Variants in ERBB4 observed in about 807,000 individuals in gnomAD.
ERBB4 encodes the protein erb-b2 receptor tyrosine kinase 4.
In ERBB4, 42 loss-of-function variants were observed where a neutral mutation model predicts 158.0. The ratio of observed to expected loss-of-function variants is 0.27; its 90% CI spans 0.21 to 0.34. The LOEUF (loss-of-function observed/expected upper bound fraction) is 0.34, where lower values mean the gene tolerates loss of function less well. ERBB4 is among the 10% of genes least tolerant of loss of function. ERBB4 has a pLI of 1.00. For synonymous variants in ERBB4, 583 were observed against 558.7 expected (o/e 1.04, Z -0.61); for missense variants, 1,333 against 1,624.1 (o/e 0.82, Z 3.08).
intron 3 of ERBB4, among the ~76,000 whole-genome samples, chr2:211,891,322 A>T (rs1463723620): frequency 1.8e-5 from 2 of 113,300 alleles, no homozygotes; most frequent in African/African-American, 7.8e-5. Context: ...TACATAACGA[A>T]ATGAAGGCAG....
intron 27 of ERBB4, among the ~76,000 whole-genome samples, chr2:211,384,876 GT>G (rs1411379089): frequency 6.6e-6 from 1 of 151,992 alleles, no homozygotes; most frequent in African/African-American, 2.4e-5. Flanking sequence ...AATCCATCTA[GT>G]ATAGGTATTG....
chr2:212,408,438 C>G (rs1405793404), intron 1 of ERBB4, among the ~76,000 whole-genome samples: 1 of 152,014 alleles, frequency 6.6e-6, no homozygotes, highest in Non-Finnish European at 1.5e-5. Flanking sequence ...CAATGGGTTC[C>G]CAAACATTGC....
chr2:211,741,566 G>A (rs1245947858), intron 5 of ERBB4, among the ~76,000 whole-genome samples: 5 of 151,526 alleles, frequency 3.3e-5, no homozygotes, highest in African/African-American at 9.7e-5. Context: ...TGAGTTAGAG[G>A]TGGGACCAAA....
chr2:212,159,800 T>C (rs1270204106), intron 1 of ERBB4, among the ~76,000 whole-genome samples: 1 of 152,028 alleles, frequency 6.6e-6, no homozygotes, highest in Non-Finnish European at 1.5e-5. Context: ...TCTGAAATGC[T>C]ACGTACATCC....
rs143486656 is a variant in ERBB4 at position 212,269,939 on chromosome 2, C to T, written c.83-145036G>A. On this transcript the variant is annotated intron_variant, in intron 1 of 27. Transcript: ENST00000342788. ...CAAAGAAATTCAATATTTCTGCCTG[C>T]TTCCTCCGTAGTTTTTTTCTTTACT... 7.5e-4 allele frequency among the ~76,000 whole-genome samples: 114 copies of T among 151,882 alleles called. 2 individuals carry two copies. In the East Asian group the frequency reaches 0.021, roughly 28 times the overall value.
At chr2:212,471,774 T>A (rs1403451285) in intron 1 of ERBB4, among the ~76,000 whole-genome samples, 1 of 151,986 alleles carries the variant, frequency 6.6e-6, no homozygotes, top group Non-Finnish European at 1.5e-5. Context: ...GCAGGTAATT[T>A]GTTAATGCTA....
intron 1 of ERBB4, among the ~76,000 whole-genome samples, chr2:212,139,293 A>G (rs1389548539): frequency 2.0e-5 from 3 of 152,092 alleles, no homozygotes; most frequent in African/African-American, 7.2e-5. Flanking sequence ...AAAACAACAC[A>G]CACACACACG....
chr2:211,877,765 T>C (rs2078547608), intron 3 of ERBB4, among the ~76,000 whole-genome samples: 1 of 152,238 alleles, frequency 6.6e-6, no homozygotes, highest in South Asian at 2.1e-4. Flanking sequence ...TAATAGATAA[T>C]ATTTTTATTT....
chr2:212,362,549 G>A (rs1019964409), intron 1 of ERBB4, among the ~76,000 whole-genome samples: 49 of 150,412 alleles, frequency 3.3e-4, no homozygotes, highest in African/African-American at 1.1e-3. Context: ...TGACATTCAT[G>A]CCAAATGTGC....
chr2:211,854,259 A>G (rs7577632), intron 3 of ERBB4, among the ~76,000 whole-genome samples: 17,616 of 152,108 alleles, frequency 0.12, 1,236 homozygotes, highest in African/African-American at 0.2. Context: ...TGAGCAGGAA[A>G]AATAAACTTT....
intron 20 of ERBB4, among the ~76,000 whole-genome samples, chr2:211,527,263 C>T (rs1471373415): frequency 6.6e-6 from 1 of 152,020 alleles, no homozygotes; most frequent in Admixed American, 6.6e-5. Context: ...TAAGTGGAAA[C>T]CTTACAGGCC....
Position 211,598,034 on chromosome 2 carries a change from G to A in ERBB4, c.2301+21143C>T, listed in dbSNP as rs1418236599. On this transcript the variant is annotated intron_variant, in intron 19 of 27. Coordinates refer to ENST00000342788, the MANE Select transcript of ERBB4 (RefSeq NM_005235.3). Reference sequence around the variant, plus strand: ...GGAATAAAAGAGAACTTCAGCTAGAGCCATCTGACATGCTTGGTGGCCTCT... The same window carrying A: ...GGAATAAAAGAGAACTTCAGCTAGAACCATCTGACATGCTTGGTGGCCTCT... Among the ~76,000 whole-genome samples, 3 of 152,088 alleles carry A rather than the reference G, an allele frequency of 2.0e-5. No homozygotes were observed. In the East Asian group the frequency reaches 5.8e-4, roughly 29 times the overall value.
intron 20 of ERBB4, among the ~76,000 whole-genome samples, chr2:211,524,522 C>T (rs547202998): frequency 0.11 from 16,796 of 149,364 alleles, 1,772 homozygotes; most frequent in African/African-American, 0.27. Context: ...AGCCCTGCCC[C>T]GTGGGAAGGC....
intron 3 of ERBB4, among the ~76,000 whole-genome samples, chr2:211,895,496 C>A (rs1380065034): frequency 6.6e-6 from 1 of 152,078 alleles, no homozygotes; most frequent in Non-Finnish European, 1.5e-5. Context: ...TGGCCTCAAG[C>A]CATCGTCCCA....
chr2:211,974,550 G>T (rs575349456), intron 2 of ERBB4, among the ~76,000 whole-genome samples: 1 of 152,160 alleles, frequency 6.6e-6, no homozygotes, highest in African/African-American at 2.4e-5. Flanking sequence ...AAGTCTTGGA[G>T]TCCACAGCAT....
intron 20 of ERBB4, among the ~76,000 whole-genome samples, chr2:211,527,085 G>T (rs1420847834): frequency 6.6e-5 from 10 of 152,004 alleles, no homozygotes; most frequent in Non-Finnish European, 1.5e-5. Flanking sequence ...CAATATCCAA[G>T]TACAAGAAGG....
In ERBB4 at chr2:211,840,150, C is replaced by T. The variant is rs1016271521; in HGVS notation, c.422-51991G>A. ...TGTTGTGGGAGGGACCTGGTGGGAC[C>T]TAACAGAATCATGGCGTGGGTCTTT... On this transcript the variant is annotated intron_variant, in intron 3 of 27. Coordinates refer to ENST00000342788, the MANE Select transcript of ERBB4 (RefSeq NM_005235.3). Among the ~76,000 whole-genome samples, 8 of 152,042 alleles carry T rather than the reference C, an allele frequency of 5.3e-5. No individual in the cohort carries two copies. In the South Asian group the frequency reaches 1.2e-3, roughly 24 times the overall value.
At chr2:211,417,372 G>T (rs1011878630) in intron 25 of ERBB4, among the ~76,000 whole-genome samples, 6 of 152,138 alleles carry the variant, frequency 3.9e-5, no homozygotes, top group African/African-American at 7.2e-5. Context: ...TACTCTGGAG[G>T]CAGAGATGGG....
chr2:211,725,429 G>A (rs890308987), intron 5 of ERBB4, among the ~76,000 whole-genome samples: 6 of 151,630 alleles, frequency 4.0e-5, no homozygotes, highest in African/African-American at 9.7e-5. Context: ...GCCTTATGAC[G>A]ATCATACAAC....
Sources: gnomAD v4.1 joint callset for allele counts (sites outside exome capture counted in the v4.1 genomes callset) on GRCh38, gnomAD v4.1.1 for gene constraint, MANE v1.5 for transcripts, NCBI Gene and HGNC (gene_info 2026-07-23, HGNC 2026-07-21) for gene names.